NEDD4: variants seen among roughly 807,000 people sequenced by gnomAD.
NEDD4 encodes the protein E3 ubiquitin-protein ligase NEDD4.
A neutral mutation model predicts 144.9 loss-of-function variants in NEDD4; 99 were observed. That is an observed-to-expected ratio of 0.68 (90% CI 0.58 to 0.81). The LOEUF (loss-of-function observed/expected upper bound fraction) is 0.81. Among genes scored for constraint, NEDD4 ranks in the 30% least tolerant of loss-of-function variants. The pLI is 0.00. For missense variants in NEDD4, 985 were observed against 1,065.9 expected, an observed-to-expected ratio of 0.92 and a Z score of 1.06; for synonymous variants, 318 against 350.6, an observed-to-expected ratio of 0.91 and a Z score of 1.04.
chr15:55,891,532 T>G (rs2035571451), intron 5 of NEDD4, among the ~76,000 whole-genome samples: 1 of 152,224 alleles, frequency 6.6e-6, no homozygotes, highest in Non-Finnish European at 1.5e-5. Context: ...AGTTATTTCC[T>G]ATATTTGAAC....
At chr15:55,976,881 C>T (rs1368373280) in intron 1 of NEDD4, among the ~76,000 whole-genome samples, 2 of 152,104 alleles carry the variant, frequency 1.3e-5, no homozygotes, top group African/African-American at 4.8e-5. Flanking sequence ...GATCCACCCG[C>T]CTTGGCCTCC....
intron 1 of NEDD4, among the ~76,000 whole-genome samples, chr15:55,992,668 A>C (rs138322442): frequency 7.1e-4 from 108 of 152,338 alleles, no homozygotes; most frequent in African/African-American, 2.5e-3. Context: ...AAGAACACAC[A>C]GAAGCCACAT....
intron 1 of NEDD4, among the ~76,000 whole-genome samples, chr15:55,988,807 G>GA (rs1327855040): frequency 3.3e-5 from 5 of 152,054 alleles, no homozygotes; most frequent in African/African-American, 1.2e-4. Context: ...AAGTGGTTCA[G>GA]AAAAAGATTA....
intron 5 of NEDD4, among the ~76,000 whole-genome samples, chr15:55,894,024 A>C (rs548485971): frequency 6.6e-6 from 1 of 152,192 alleles, no homozygotes; most frequent in Admixed American, 6.5e-5. Flanking sequence ...GTCAATGAGG[A>C]AATGGAGTTA....
At position 55,841,461 on chromosome 15, in the gene NEDD4, T is replaced by G. The variant is rs189079053; in HGVS notation, c.1838+473A>C. 5.1e-4 allele frequency among the ~76,000 whole-genome samples: 77 copies of G among 152,030 alleles called. No individual in the cohort carries two copies. In the East Asian group the frequency reaches 0.014, roughly 28 times the overall value. ...TGGCTGCCAGGGAATGGGGAGCGAGTGCTTACTGGGTATAGGGTTTCATTT... is the reference window on the plus strand; with the variant it reads ...TGGCTGCCAGGGAATGGGGAGCGAGGGCTTACTGGGTATAGGGTTTCATTT... On this transcript the variant is annotated intron_variant, in intron 19 of 28. Coordinates refer to ENST00000435532, the MANE Select transcript of NEDD4 (RefSeq NM_006154.4).
chr15:55,848,513 G>C lies in NEDD4; in HGVS notation c.1483+8C>G. ...AAATAACATAATGAAAAATCGCACT[G>C]CACATACTGTGATTTATGTAGAAGA... On this transcript the variant is annotated splice_region_variant and intron_variant, in intron 16 of 28. Coordinates refer to ENST00000435532, the MANE Select transcript of NEDD4 (RefSeq NM_006154.4). 1 of 1,612,778 alleles carries C rather than the reference G, an allele frequency of 6.2e-7. No individual in the cohort carries two copies. The highest frequency in any genetic ancestry group is 8.5e-7 in the Non-Finnish European group (1 of 1,178,878).
chr15:55,936,971 T>G (rs8025565), intron 4 of NEDD4, among the ~76,000 whole-genome samples: 3,240 of 152,186 alleles, frequency 0.021, 109 homozygotes, highest in African/African-American at 0.074. Flanking sequence ...TTTTGTATTT[T>G]TAGCAGAGAT....
At chr15:55,869,054 T>A (rs2034683857) in intron 8 of NEDD4, among the ~76,000 whole-genome samples, 1 of 152,202 alleles carries the variant, frequency 6.6e-6, no homozygotes, top group Admixed American at 6.5e-5. Flanking sequence ...TACACAAATC[T>A]TGACTTGGAC....
At chr15:55,916,903 G>A (rs2036468781) in intron 5 of NEDD4, 4 of 1,517,390 alleles carry the variant, frequency 2.6e-6, no homozygotes, top group Non-Finnish European at 3.5e-6. Context: ...CAGGCTAGAA[G>A]CAGCTGCACT....
intron 1 of NEDD4, among the ~76,000 whole-genome samples, chr15:55,981,311 C>T (rs1250120225): frequency 2.0e-5 from 3 of 151,964 alleles, no homozygotes; most frequent in East Asian, 1.9e-4. Context: ...GTGATCCACC[C>T]GCCTCAGCCT....
At chr15:55,841,403 G>A (rs1280894595) in intron 19 of NEDD4, among the ~76,000 whole-genome samples, 1 of 152,176 alleles carries the variant, frequency 6.6e-6, no homozygotes. Context: ...GGTACCCGAG[G>A]AGTCAAATTC....
At chr15:55,865,845 G>T (rs2034567736) in intron 8 of NEDD4, among the ~76,000 whole-genome samples, 1 of 152,152 alleles carries the variant, frequency 6.6e-6, no homozygotes, top group Non-Finnish European at 1.5e-5. Context: ...ATCTAGTTTG[G>T]CTAGCTCTGT....
chr15:55,893,703 TAAG>T (rs1200125851), intron 5 of NEDD4, among the ~76,000 whole-genome samples: 21 of 151,132 alleles, frequency 1.4e-4, no homozygotes, highest in Admixed American at 3.3e-4. Flanking sequence ...ATTTTAAAAA[TAAG>T]AAACCATATT....
At chr15:55,987,047 A>C (rs1463248024) in intron 1 of NEDD4, among the ~76,000 whole-genome samples, 1 of 142,626 alleles carries the variant, frequency 7.0e-6, no homozygotes, top group Non-Finnish European at 1.5e-5. Context: ...GAATCGCCAC[A>C]CTGACTTCCA....
intron 5 of NEDD4, among the ~76,000 whole-genome samples, chr15:55,882,888 A>G (rs1185494342): frequency 6.6e-6 from 1 of 152,234 alleles, no homozygotes; most frequent in Non-Finnish European, 1.5e-5. Flanking sequence ...AATCAGCAGC[A>G]GTAACCAGAT....
intron 13 of NEDD4, among the ~76,000 whole-genome samples, chr15:55,851,175 G>A (rs1296021964): frequency 6.6e-6 from 1 of 152,102 alleles, no homozygotes; most frequent in African/African-American, 2.4e-5. Context: ...ATACACAGAA[G>A]TAGATTCAAA....
intron 1 of NEDD4, among the ~76,000 whole-genome samples, chr15:55,974,111 C>A (rs1203941921): frequency 9.9e-5 from 15 of 152,060 alleles, no homozygotes. Context: ...CACAGAAACT[C>A]AAAGGATCAT....
chr15:55,857,667 C>T (rs2034250583), intron 11 of NEDD4, among the ~76,000 whole-genome samples: 1 of 152,092 alleles, frequency 6.6e-6, no homozygotes, highest in African/African-American at 2.4e-5. Context: ...AATTTGTAAC[C>T]ATAACCATAC....
chr15:55,961,307 CAAAATTAGAA>C (rs1418590224), intron 2 of NEDD4, among the ~76,000 whole-genome samples: 1 of 151,176 alleles, frequency 6.6e-6, no homozygotes, highest in African/African-American at 2.4e-5. Flanking sequence ...TTCAAGACTG[CAAAATTAGAA>C]AAAATTAGAA....
Sources: gnomAD v4.1 joint callset for allele counts (sites outside exome capture counted in the v4.1 genomes callset) on GRCh38, gnomAD v4.1.1 for gene constraint, MANE v1.5 for transcripts, NCBI Gene and HGNC (gene_info 2026-07-23, HGNC 2026-07-21) for gene names.